The following UPF2 variants were observed in gnomAD, a reference collection of about 807,000 sequenced individuals.
The protein encoded by UPF2 is regulator of nonsense transcripts 2.
In UPF2, 17 loss-of-function variants were observed where a neutral mutation model predicts 141.4. The observed-to-expected ratio is 0.12, with a 90% confidence interval of 0.08 to 0.18. The LOEUF is 0.18. UPF2 is among the 10% of genes least tolerant of loss of function. The probability of loss-of-function intolerance (pLI) is 1.00; values close to 1 mark genes in which losing one functional copy is unlikely to be tolerated. For synonymous variants in UPF2, 540 were observed against 498.0 expected (o/e 1.08, Z -1.12); for missense variants, 1,152 against 1,515.9 (o/e 0.76, Z 3.99).
Position 11,979,901 on chromosome 10 carries a change from T to A in UPF2, c.1845-736A>T, listed in dbSNP as rs1196217673. Among the ~76,000 whole-genome samples the A allele has an allele frequency of 6.6e-6, 1 of 152,126 alleles. No homozygotes were observed. Among genetic ancestry groups the A allele is most frequent in the Non-Finnish European group, 1.5e-5 (1 of 68,026 alleles). On this transcript the variant is annotated intron_variant, in intron 8 of 21. Transcript: ENST00000357604. The surrounding 1 kb of genome is among the most constrained non-coding windows in gnomAD (Gnocchi z 6.2). ...GCCTGGGTGACAAAGCAAGACTCCA[T>A]CAAACGAATGAATGAATGAATGAAT...
chr10:11,970,298 C>T (rs1280907574), intron 9 of UPF2, among the ~76,000 whole-genome samples: 1 of 150,982 alleles, frequency 6.6e-6, no homozygotes, highest in African/African-American at 2.4e-5. Flanking sequence ...CGAGAAATAA[C>T]AGAAAATTAT....
rs1588537632 is a variant in UPF2 at position 11,959,794 on chromosome 10, G to A, written c.2185-438C>T. ...AACAAAAACACACAGAGAGGTGGGG[G>A]TGGTGAGACAAAAACAATCAACAGG... On this transcript the variant is annotated intron_variant, in intron 11 of 21. Coordinates refer to ENST00000357604, the MANE Select transcript of UPF2 (RefSeq NM_015542.4). The surrounding 1 kb of genome is among the most constrained non-coding windows in gnomAD (Gnocchi z 5.9). Among the ~76,000 whole-genome samples the A allele has an allele frequency of 6.6e-6, 1 of 152,176 alleles. No individual in the cohort carries two copies. Among genetic ancestry groups the A allele is most frequent in the South Asian group, 2.1e-4 (1 of 4,824 alleles).
chr10:11,950,814 G>T (rs1464211576), intron 15 of UPF2, among the ~76,000 whole-genome samples: 6 of 152,154 alleles, frequency 3.9e-5, no homozygotes, highest in Non-Finnish European at 8.8e-5. Context: ...AAGGTTCAAA[G>T]AACAAAAAGA....
At chr10:12,024,676 T>TA (rs1291853086) in intron 3 of UPF2, among the ~76,000 whole-genome samples, 1 of 151,908 alleles carries the variant, frequency 6.6e-6, no homozygotes, top group Non-Finnish European at 1.5e-5. Context: ...CTCACACCTA[T>TA]AATCCCAACA....
At chr10:11,965,738 C>T (rs1410099040) in intron 10 of UPF2, among the ~76,000 whole-genome samples, 2 of 152,052 alleles carry the variant, frequency 1.3e-5, no homozygotes, top group South Asian at 2.1e-4. Context: ...GGATTACAGG[C>T]GTGAGCCACC....
chr10:11,990,157 G>A (rs1833755395), intron 8 of UPF2, among the ~76,000 whole-genome samples: 1 of 152,190 alleles, frequency 6.6e-6, no homozygotes, highest in African/African-American at 2.4e-5. Context: ...AAAGAAAAGG[G>A]AAAGCTGGCC....
chr10:11,983,434 A>G (rs1453946382), intron 8 of UPF2, among the ~76,000 whole-genome samples: 2 of 151,884 alleles, frequency 1.3e-5, no homozygotes, highest in East Asian at 3.9e-4. Flanking sequence ...GTGCAGTGGC[A>G]TGATCTCGGC....
rs771370737 is a variant in UPF2, at chr10:11,943,079, G to A, written c.3264C>T (p.Thr1088=). ...YLTDSNKENE[T]DEENTEVMIK... The stretch of plus-strand genomic sequence containing the variant: ...CCATACGTACAGTATTCTCTTCATC[G>A]GTTTCATTTTCCTTATTGGAATCTG... Residue 1088 remains threonine, a synonymous_variant, in exon 17 of 22, where the codon ACC becomes ACT. Transcript: ENST00000357604. The A allele has an allele frequency of 8.7e-6, 14 of 1,610,244 alleles. No homozygotes were observed. Among genetic ancestry groups the A allele is most frequent in the East Asian group, 2.2e-5 (1 of 44,750 alleles).
intron 8 of UPF2, among the ~76,000 whole-genome samples, chr10:11,986,785 G>A (rs78697490): frequency 8.7e-4 from 133 of 152,246 alleles, no homozygotes; most frequent in African/African-American, 3.2e-3. Context: ...ACACAACAGC[G>A]CCACCAGGTG....
rs865860462 is a variant in UPF2, at chr10:12,016,550, C to T, written c.1146-2366G>A. ...CTCTACTAAAAATACAAAAATTAGCCGGGTGTGGTGGTAGGTGCCTGTAAT... is the reference window on the plus strand; with the variant it reads ...CTCTACTAAAAATACAAAAATTAGCTGGGTGTGGTGGTAGGTGCCTGTAAT... On this transcript the variant is annotated intron_variant, in intron 3 of 21. Transcript: ENST00000357604. This position sits in a 1 kb window ranked among gnomAD's most constrained non-coding sequence, Gnocchi z 4.1. 1.3e-5 allele frequency among the ~76,000 whole-genome samples: 2 copies of T among 151,690 alleles called. No homozygotes were observed. The highest frequency in any genetic ancestry group is 4.8e-5 in the African/African-American group (2 of 41,286).
chr10:11,957,597 C>T (rs1259263686), intron 12 of UPF2, among the ~76,000 whole-genome samples: 2 of 151,910 alleles, frequency 1.3e-5, no homozygotes, highest in East Asian at 2.0e-4. Context: ...CTCACTACAA[C>T]CCTCCGCCTC....
intron 19 of UPF2, among the ~76,000 whole-genome samples, chr10:11,932,152 T>G (rs1388899008): frequency 7.0e-6 from 1 of 143,218 alleles, no homozygotes. Context: ...CCAACTCAAT[T>G]AAAAAAAAAA....
At chr10:11,955,193 T>G (rs768270666) in intron 14 of UPF2, 39 bp downstream of exon 14, 1 of 1,521,292 alleles carries the variant, frequency 6.6e-7, no homozygotes, top group African/African-American at 1.4e-5. Context: ...ACATGCAATA[T>G]GTTAAATGAT....
intron 8 of UPF2, among the ~76,000 whole-genome samples, chr10:11,981,370 C>T (rs1049004593): frequency 3.7e-4 from 57 of 152,190 alleles, no homozygotes; most frequent in South Asian, 2.1e-4. Flanking sequence ...AACCTAATAA[C>T]CACTTTATAA....
At chr10:11,938,903 TC>T (rs558374968) in intron 18 of UPF2, among the ~76,000 whole-genome samples, 4 of 123,174 alleles carry the variant, frequency 3.2e-5, no homozygotes, top group Non-Finnish European at 6.5e-5. Context: ...TCTCACTCTG[TC>T]CCCCCCATGC....
At chr10:12,012,981 C>T (rs1414489825) in intron 4 of UPF2, among the ~76,000 whole-genome samples, 1 of 151,298 alleles carries the variant, frequency 6.6e-6, no homozygotes, top group Non-Finnish European at 1.5e-5. Flanking sequence ...TCTAATTAGC[C>T]AGACATGGTG....
At chr10:12,021,379 A>T (rs1701474) in intron 3 of UPF2, among the ~76,000 whole-genome samples, 35,655 of 147,172 alleles carry the variant, frequency 0.24, 5,124 homozygotes, top group African/African-American at 0.38. Context: ...AAAAAAAAAA[A>T]TTTTTTTAAA....
intron 21 of UPF2, chr10:11,928,757 T>A (rs1045823365): frequency 3.2e-6 from 1 of 313,074 alleles, no homozygotes; most frequent in Non-Finnish European, 6.2e-6. Context: ...TTAGGGAACA[T>A]CTTCATTTTC....
At chr10:12,026,032 G>A (rs925120279) in intron 3 of UPF2, among the ~76,000 whole-genome samples, 9 of 152,130 alleles carry the variant, frequency 5.9e-5, no homozygotes, top group Admixed American at 3.3e-4. Flanking sequence ...GGGCTCAAGC[G>A]ATCCTTCTGC....
Sources: gnomAD v4.1 joint callset for allele counts (sites outside exome capture counted in the v4.1 genomes callset) on GRCh38, gnomAD v4.1.1 for gene constraint, Gnocchi (gnomAD v3.1) non-coding constraint, MANE v1.5 for transcripts, NCBI Gene and HGNC (gene_info 2026-07-23, HGNC 2026-07-21) for gene names.